Variants in IL1RAPL1 observed in about 807,000 individuals in gnomAD.
The protein encoded by IL1RAPL1 is interleukin-1 receptor accessory protein-like 1.
IL1RAPL1 carries 3 observed loss-of-function variants against 48.4 expected under a neutral mutation model. The observed-to-expected ratio is 0.06, with a 90% CI of 0.03 to 0.16. IL1RAPL1 has a LOEUF of 0.16. Ranked by LOEUF, IL1RAPL1 falls within the 10% of genes least tolerant of loss-of-function variation. IL1RAPL1 has a pLI of 1.00. For missense variants in IL1RAPL1, 349 were observed against 530.6 expected, an observed-to-expected ratio of 0.66 and a Z score of 3.36; for synonymous variants, 185 against 187.7, an observed-to-expected ratio of 0.99 and a Z score of 0.12.
intron 5 of IL1RAPL1, among the ~76,000 whole-genome samples, chrX:29,572,297 G>A (rs1195540477): frequency 8.9e-6 from 1 of 112,002 alleles, no homozygotes; most frequent in African/African-American, 3.2e-5. Context: ...ATTTTAGGAT[G>A]TGAAGTATTA....
intron 5 of IL1RAPL1, among the ~76,000 whole-genome samples, chrX:29,561,773 C>T (rs1019579259): frequency 9.0e-6 from 1 of 111,082 alleles, no homozygotes; most frequent in Non-Finnish European, 1.9e-5. Flanking sequence ...TGGGCTCTAC[C>T]TAATATACTT....
chrX:29,178,618 T>C (rs1172923764), intron 2 of IL1RAPL1, among the ~76,000 whole-genome samples: 1 of 112,073 alleles, frequency 8.9e-6, no homozygotes, highest in Non-Finnish European at 1.9e-5. Context: ...CATTTGTCAA[T>C]TTTGCCTTTT....
chrX:29,100,714 C>T (rs754593439), intron 2 of IL1RAPL1, among the ~76,000 whole-genome samples: 1 of 111,526 alleles, frequency 9.0e-6, no homozygotes, highest in South Asian at 3.8e-4. Flanking sequence ...GACATATTAG[C>T]CTTCTCTACT....
At chrX:28,680,196 C>T (rs1275330281) in intron 1 of IL1RAPL1, among the ~76,000 whole-genome samples, 2 of 110,828 alleles carry the variant, frequency 1.8e-5, no homozygotes, top group Non-Finnish European at 3.8e-5. Context: ...AATTTATTCC[C>T]TAGTATTTTA....
intron 3 of IL1RAPL1, among the ~76,000 whole-genome samples, chrX:29,351,538 C>A (rs1397752104): frequency 8.9e-6 from 1 of 111,928 alleles, no homozygotes; most frequent in Non-Finnish European, 1.9e-5. Context: ...TAACTTTATT[C>A]CCTTTGCGTT....
chrX:29,668,491 G>A lies in IL1RAPL1; in HGVS notation c.765G>A (p.Gln255=). The part of the protein sequence containing the change: ...LYPMESKLTI[Q]ETQLGDSANL... Reference sequence around the variant, plus strand: ...CTATGGAAAGTAAACTGACAATTCAGGAGACCCAGCTGGGTGAGTAATTCC... The same window carrying A: ...CTATGGAAAGTAAACTGACAATTCAAGAGACCCAGCTGGGTGAGTAATTCC... The change falls in exon 6 of 11, where the codon CAG becomes CAA. Residue 255 remains glutamine (Q), a synonymous_variant. Transcript: ENST00000378993. The A allele has an allele frequency of 8.3e-7, 1 of 1,200,185 alleles. No individual in the cohort carries two copies.
intron 2 of IL1RAPL1, among the ~76,000 whole-genome samples, chrX:29,174,808 T>G (rs1306795199): frequency 8.9e-6 from 1 of 111,912 alleles, no homozygotes; most frequent in Non-Finnish European, 1.9e-5. Flanking sequence ...GCGTGCTGGC[T>G]CACGCCTGCA....
At chrX:28,817,483 A>AT (rs1936883980) in intron 2 of IL1RAPL1, among the ~76,000 whole-genome samples, 1 of 111,078 alleles carries the variant, frequency 9.0e-6, no homozygotes, top group African/African-American at 3.3e-5. Context: ...AAACACCACT[A>AT]ATAGGAGACT....
At chrX:29,654,695 G>T (rs1925620302) in intron 5 of IL1RAPL1, among the ~76,000 whole-genome samples, 1 of 111,304 alleles carries the variant, frequency 9.0e-6, no homozygotes, top group African/African-American at 3.3e-5. Flanking sequence ...ATTTGGTGGG[G>T]GACACAGCCA....
In IL1RAPL1 at chrX:29,766,449, GTCCAAATATATATATATTTATATA is replaced by G. The variant is rs1199839578; in HGVS notation, c.778+97963_778+97986del. On this transcript the variant is annotated intron_variant, in intron 6 of 10. Coordinates refer to ENST00000378993, the MANE Select transcript of IL1RAPL1 (RefSeq NM_014271.4). ...TATCCAAATATATATATATTTATAT[GTCCAAATATATATATATTTATATA>G]TCCAAATATATATATATATTTATAT... Among the ~76,000 whole-genome samples the G allele has an allele frequency of 3.3e-3, 261 of 79,793 alleles. 2 individuals carry two copies. The highest frequency in any genetic ancestry group is 0.012 in the African/African-American group (244 of 20,189). The allele number at this position is 79,793 out of a possible 115,157, so 69.3% of individuals were successfully genotyped here. A position where few individuals can be genotyped will look rare whatever the true frequency, so the allele number is the denominator to read the frequency against.
intron 6 of IL1RAPL1, among the ~76,000 whole-genome samples, chrX:29,829,919 A>C (rs1311734369): frequency 8.9e-6 from 1 of 112,073 alleles, no homozygotes; most frequent in African/African-American, 3.2e-5. Context: ...TTGATCACTT[A>C]ACATCAACTC....
chrX:29,155,486 C>A (rs1358714598), intron 2 of IL1RAPL1, among the ~76,000 whole-genome samples: 1 of 111,675 alleles, frequency 9.0e-6, no homozygotes, highest in Non-Finnish European at 1.9e-5. Flanking sequence ...TAAATGGGAG[C>A]CCTCAGGTAC....
At chrX:29,341,938 C>A (rs1161247132) in intron 3 of IL1RAPL1, among the ~76,000 whole-genome samples, 1 of 110,331 alleles carries the variant, frequency 9.1e-6, no homozygotes, top group Non-Finnish European at 1.9e-5. Context: ...TCCTGATTAG[C>A]TGGGACTACA....
At chrX:29,266,668 A>G (rs1931960999) in intron 2 of IL1RAPL1, among the ~76,000 whole-genome samples, 1 of 111,981 alleles carries the variant, frequency 8.9e-6, no homozygotes, top group Non-Finnish European at 1.9e-5. Flanking sequence ...ATTAAGTTCT[A>G]GGGACTTGCT....
At chrX:29,096,494 C>T (rs1384690037) in intron 2 of IL1RAPL1, among the ~76,000 whole-genome samples, 1 of 110,964 alleles carries the variant, frequency 9.0e-6, no homozygotes, top group Admixed American at 9.7e-5. Flanking sequence ...AGGTCAGTTG[C>T]CAATTATAAA....
chrX:29,122,064 C>T (rs1193808957), intron 2 of IL1RAPL1, among the ~76,000 whole-genome samples: 1 of 111,017 alleles, frequency 9.0e-6, no homozygotes, highest in Non-Finnish European at 1.9e-5. Flanking sequence ...CTCTGAAATA[C>T]TCTTATTCAA....
chrX:29,294,518 GAA>G (rs764285236), intron 3 of IL1RAPL1, among the ~76,000 whole-genome samples: 3 of 68,504 alleles, frequency 4.4e-5, no homozygotes, highest in African/African-American at 5.4e-5. Context: ...CTCCATCTCA[GAA>G]AAAAAAAAAA....
At chrX:29,939,613 A>T (rs1933090288) in intron 8 of IL1RAPL1, among the ~76,000 whole-genome samples, 1 of 112,113 alleles carries the variant, frequency 8.9e-6, no homozygotes, top group Admixed American at 9.5e-5. Context: ...TAATCAGATA[A>T]GCTGCTGGAG....
intron 2 of IL1RAPL1, among the ~76,000 whole-genome samples, chrX:28,830,092 A>G (rs1921009535): frequency 9.0e-6 from 1 of 111,449 alleles, no homozygotes; most frequent in South Asian, 3.7e-4. Flanking sequence ...ATTGGTCAGT[A>G]GTTTTTACTT....
Sources: allele counts gnomAD v4.1 joint callset (sites outside exome capture counted in the v4.1 genomes callset), GRCh38; gene constraint gnomAD v4.1.1; transcripts MANE v1.5; gene names NCBI Gene and HGNC (gene_info 2026-07-23, HGNC 2026-07-21).